PGPEP1: variants seen among roughly 807,000 people sequenced by gnomAD.
PGPEP1 encodes the protein pyroglutamyl-peptidase 1.
PGPEP1 carries 15 observed loss-of-function variants against 24.1 expected under a neutral mutation model. The observed-to-expected ratio is 0.62, with a 90% CI of 0.42 to 0.96. The LOEUF is 0.96. PGPEP1 is among the 40% of genes least tolerant of loss of function. PGPEP1 has a pLI of 0.00. For synonymous variants in PGPEP1, 122 were observed against 116.4 expected, an observed-to-expected ratio of 1.05 and a Z score of -0.31; for missense variants, 242 against 273.4, an observed-to-expected ratio of 0.89 and a Z score of 0.81.
At chr19:18,363,239 C>A in intron 4 of PGPEP1, 152 bp from the exon 5 acceptor site, 1 of 590,944 alleles carries the variant, frequency 1.7e-6, no homozygotes, top group South Asian at 2.4e-5. Context: ...TCATCTTTGC[C>A]AACCTGGGGA....
intron 4 of PGPEP1, chr19:18,357,924 T>C (rs1172840888): frequency 5.0e-6 from 2 of 399,114 alleles, no homozygotes; most frequent in African/African-American, 2.0e-5. Context: ...GCAGTCAGTT[T>C]CTGTGTTAAT....
chr19:18,352,001 G>A (rs929812662), intron 2 of PGPEP1, among the ~76,000 whole-genome samples: 5 of 151,792 alleles, frequency 3.3e-5, no homozygotes, highest in Non-Finnish European at 5.9e-5. Context: ...GCCGGGCGCG[G>A]TGGCTCACGC....
chr19:18,341,110 A>G (rs984852035), intron 1 of PGPEP1, among the ~76,000 whole-genome samples: 6 of 151,724 alleles, frequency 4.0e-5, no homozygotes, highest in Non-Finnish European at 8.8e-5. Flanking sequence ...CGCTCCCCCA[A>G]CCCCTGGCCC....
intron 4 of PGPEP1, 59 bp from the exon 5 acceptor site, chr19:18,363,332 G>A (rs912276534): frequency 7.0e-6 from 10 of 1,431,820 alleles, no homozygotes; most frequent in Middle Eastern, 1.8e-4. Flanking sequence ...CTTGGTCTAC[G>A]GATTGCCCCT....
chr19:18,352,675 C>T (rs1316265458), intron 2 of PGPEP1, among the ~76,000 whole-genome samples: 3 of 151,758 alleles, frequency 2.0e-5, no homozygotes, highest in Admixed American at 6.6e-5. Flanking sequence ...CATGCCTCAG[C>T]CTCCCGAGTA....
chr19:18,348,986 C>A, intron 2 of PGPEP1: 1 of 397,402 alleles, frequency 2.5e-6, no homozygotes, highest in Non-Finnish European at 3.4e-6. Flanking sequence ...TGGTCTTGAA[C>A]TTCCGGGCTC....
At position 18,357,420 on chromosome 19, in the gene PGPEP1, C is replaced by T; in HGVS notation, c.242C>T (p.Thr81Ile). ...GTGGGGGTGTCAGGCATGGCGACCA[C>T]AGTCACACTGGAGAAATGTGGACAC... The part of the protein sequence containing the change: ...VHVGVSGMAT[T>I]VTLEKCGHNK... Residue 81 changes from threonine (T) to isoleucine (I), a missense_variant, in exon 4 of 5, where the codon ACA (threonine) becomes ATA (isoleucine). Thr to Ile is a moderately conservative substitution (Grantham distance 89). Coordinates refer to ENST00000269919, the MANE Select transcript of PGPEP1 (RefSeq NM_017712.4). 2.5e-6 allele frequency: 4 copies of T among 1,614,030 alleles called. No homozygotes were observed. Among genetic ancestry groups the T allele is most frequent in the East Asian group, 2.2e-5 (1 of 44,872 alleles).
intron 1 of PGPEP1, among the ~76,000 whole-genome samples, chr19:18,341,264 C>T (rs546973394): frequency 6.6e-6 from 1 of 152,330 alleles, no homozygotes; most frequent in African/African-American, 2.4e-5. Flanking sequence ...CGGGCTCTCC[C>T]AGCTGTCCCA....
chr19:18,350,465 C>G (rs1372093512), intron 2 of PGPEP1, among the ~76,000 whole-genome samples: 3 of 152,358 alleles, frequency 2.0e-5, no homozygotes, highest in Admixed American at 2.0e-4. Flanking sequence ...GTGTAACGAT[C>G]TCTCTCAATA....
Position 18,363,406 on chromosome 19 carries a change from T to C in PGPEP1, c.453T>C (p.Phe151=), listed in dbSNP as rs754175627. The C allele has an allele frequency of 6.2e-7, 1 of 1,608,906 alleles. No homozygotes were observed. Among genetic ancestry groups the C allele is most frequent in the East Asian group, 2.2e-5 (1 of 44,708 alleles). Residue 151 remains phenylalanine, a synonymous_variant, in exon 5 of 5, where the codon TTT becomes TTC. Transcript: ENST00000269919. ...TGCGGCTTAGATATCTCTGCGACTT[T>C]ACCTACTACACCTCTTTGTACCAGA... ...SQDAGRYLCD[F]TYYTSLYQSH... is the part of the protein sequence containing the mutation.
In PGPEP1 at chr19:18,357,477, G is replaced by A. The variant is rs370684056; in HGVS notation, c.299G>A (p.Arg100His). The A allele has an allele frequency of 1.6e-5, 26 of 1,613,692 alleles. No homozygotes were observed. Among genetic ancestry groups the A allele is most frequent in the Middle Eastern group, 1.6e-4 (1 of 6,084 alleles). Residue 100 changes from arginine (R) to histidine (H), a missense_variant, in exon 4 of 5, where the codon CGC becomes CAC. By Grantham distance (29) the Arg-to-His change is conservative. Coordinates refer to ENST00000269919, the MANE Select transcript of PGPEP1 (RefSeq NM_017712.4). ...NKGYKGLDNC[R>H]FCPGSQCCVE... ...GGCTACAAGGGGCTGGACAACTGCC[G>A]CTTTTGCCCCGGCTCCCAGTGCTGC...
Position 18,340,660 on chromosome 19 carries a change from C to T in PGPEP1, c.-22C>T, listed in dbSNP as rs1357235471. 5.2e-6 allele frequency: 8 copies of T among 1,537,342 alleles called. No homozygotes were observed. The highest frequency in any genetic ancestry group is 1.4e-5 in the African/African-American group (1 of 70,116). On this transcript the variant is annotated 5_prime_UTR_variant, in exon 1 of 5. Transcript: ENST00000269919. ...GCGCCAGTCGCAACAGAAGCAGGTC[C>T]GAGGCACAGCCCGATCCCGCCATGG...
chr19:18,357,311 C>T, intron 3 of PGPEP1, 72 bp from the exon 4 acceptor site: 1 of 1,120,874 alleles, frequency 8.9e-7, no homozygotes, highest in South Asian at 1.3e-5. Context: ...GCTGCCTTTT[C>T]CCTGGCCTCA....
chr19:18,352,072 C>G (rs1971044050), intron 2 of PGPEP1, among the ~76,000 whole-genome samples: 1 of 151,702 alleles, frequency 6.6e-6, no homozygotes, highest in Non-Finnish European at 1.5e-5. Context: ...GAGATCGAGA[C>G]CATCCTGGTT....
In PGPEP1 at chr19:18,364,083, G is replaced by GCTTGCTTGCTTTCTTTCTTTCTTTCTTT. The variant is rs1555713520; in HGVS notation, c.*503_*504insGCTTGCTTTCTTTCTTTCTTTCTTTCTT. On this transcript the variant is annotated 3_prime_UTR_variant, in exon 5 of 5. Transcript: ENST00000269919. Reference sequence around the variant, plus strand: ...ACCCTGGGATATGGCTGGCTGGCTGGCTTTCTTTCTTTCTTTCTTTCTTTC... The same window carrying GCTTGCTTGCTTTCTTTCTTTCTTTCTTT: ...ACCCTGGGATATGGCTGGCTGGCTGGCTTGCTTGCTTTCTTTCTTTCTTTCTTTCTTTCTTTCTTTCTTTCTTTCTTTC... The GCTTGCTTGCTTTCTTTCTTTCTTTCTTT allele has an allele frequency of 8.1e-5, 7 of 86,644 alleles. No individual in the cohort carries two copies. Among genetic ancestry groups the GCTTGCTTGCTTTCTTTCTTTCTTTCTTT allele is most frequent in the African/African-American group, 2.6e-4 (7 of 26,692 alleles). 5.4% of individuals were successfully genotyped at this position (86,644 alleles called of 1,614,324 possible). A position where few individuals can be genotyped will look rare whatever the true frequency, so the allele number is the denominator to read the frequency against.
At chr19:18,359,641 G>A (rs991969196) in intron 4 of PGPEP1, among the ~76,000 whole-genome samples, 50 of 152,034 alleles carry the variant, frequency 3.3e-4, no homozygotes, top group Admixed American at 2.6e-4. Flanking sequence ...CCAAGTAGCT[G>A]GGATTACAGG....
rs2112176 is a variant in PGPEP1, at chr19:18,344,869, A to C, written c.87+1958A>C. Among the ~76,000 whole-genome samples, 4,140 of 151,996 alleles carry C rather than the reference A, an allele frequency of 0.027. 312 individuals carry two copies. In the East Asian group the frequency reaches 0.31, roughly 12 times the overall value. ...AAATAGAAGAAAAATCAATTAAACAATCTTTGGAAATCCCTCCGAGCTTCG... is the reference window on the plus strand; with the variant it reads ...AAATAGAAGAAAAATCAATTAAACACTCTTTGGAAATCCCTCCGAGCTTCG... On this transcript the variant is annotated intron_variant, in intron 2 of 4. Coordinates refer to ENST00000269919, the MANE Select transcript of PGPEP1 (RefSeq NM_017712.4).
chr19:18,346,899 C>G (rs895805740), intron 2 of PGPEP1, among the ~76,000 whole-genome samples: 7 of 151,934 alleles, frequency 4.6e-5, no homozygotes, highest in Non-Finnish European at 2.9e-5. Context: ...CTCGGCCTCC[C>G]AAAGTGCTGG....
At chr19:18,352,287 A>AAAAAAAAAAAAAAAAAG (rs1568312895) in intron 2 of PGPEP1, among the ~76,000 whole-genome samples, 1 of 148,852 alleles carries the variant, frequency 6.7e-6, no homozygotes. Context: ...AAAAAAAAAA[A>AAAAAAAAAAAAAAAAAG]TTAGTTGGGT....
Sources: gnomAD v4.1 joint callset for allele counts (sites outside exome capture counted in the v4.1 genomes callset) on GRCh38, gnomAD v4.1.1 for gene constraint, MANE v1.5 for transcripts, NCBI Gene and HGNC (gene_info 2026-07-23, HGNC 2026-07-21) for gene names.